CCL7: variants seen among roughly 807,000 people sequenced by gnomAD.
CCL7 encodes the protein C-C motif chemokine 7.
Under a neutral mutation model 7.1 loss-of-function variants are expected in CCL7, and 8 were observed. The observed-to-expected ratio is 1.13, with a 90% CI of 0.66 to 2.04. The LOEUF is 2.04. CCL7 is among the 30% of genes most tolerant of loss of function. The pLI is 0.00. For missense variants in CCL7, 134 were observed against 113.6 expected (o/e 1.18, Z -0.82); for synonymous variants, 46 against 41.2 (o/e 1.12, Z -0.45).
At chr17:34,270,602 G>A (rs1908094521) in intron 1 of CCL7, among the ~76,000 whole-genome samples, 1 of 152,200 alleles carries the variant, frequency 6.6e-6, no homozygotes, top group Non-Finnish European at 1.5e-5. Flanking sequence ...TCCAGCTCTG[G>A]GAACACCCTC....
At chr17:34,271,598 C>G (rs1908164980) in intron 2 of CCL7, 99 bp from the exon 3 acceptor site, 5 of 761,596 alleles carry the variant, frequency 6.6e-6, no homozygotes, top group Admixed American at 5.2e-5. Flanking sequence ...TCCCCATCAG[C>G]TAGGCTGATG....
rs548771041 is a variant in CCL7, at chr17:34,271,583, A to G, written c.195-114A>G. ...GTTTTATCTTCTTCCTTCATCCCTG[A>G]GGCATCCCCATCAGCTAGGCTGATG... On this transcript the variant is annotated intron_variant, in intron 2 of 2. Coordinates refer to ENST00000378569, the MANE Select transcript of CCL7 (RefSeq NM_006273.4). 3 of 684,494 alleles carry G rather than the reference A, an allele frequency of 4.4e-6. No homozygotes were observed. In the African/African-American group the frequency reaches 5.4e-5, roughly 12 times the overall value. The allele number at this position is 684,494 out of a possible 1,614,324, so 42.4% of individuals were successfully genotyped here.
intron 2 of CCL7, 36 bp from the exon 3 acceptor site, chr17:34,271,660 AG>A (rs1309698509): frequency 1.1e-5 from 15 of 1,369,174 alleles, no homozygotes; most frequent in African/African-American, 2.9e-5. Flanking sequence ...TGAACCCTCA[AG>A]GTGTTCCATC....
At position 34,271,711 on chromosome 17, in the gene CCL7, T is replaced by A; in HGVS notation, c.209T>A (p.Leu70Gln). Residue 70 changes from leucine (L) to glutamine (Q), a missense_variant, in exon 3 of 3, where the codon CTG becomes CAG. Leu to Gln is a moderately radical substitution (Grantham distance 113). Transcript: ENST00000378569. Reference sequence around the variant, plus strand: ...CTGCTCCACAGCTTCAAGACCAAACTGGACAAGGAGATCTGTGCTGACCCC... The same window carrying A: ...CTGCTCCACAGCTTCAAGACCAAACAGGACAAGGAGATCTGTGCTGACCCC... ...PREAVIFKTK[L>Q]DKEICADPTQ... The A allele has an allele frequency of 6.2e-7, 1 of 1,609,368 alleles. No homozygotes were observed.
rs889145050 is a variant in CCL7, at chr17:34,270,325, T to C, written c.35T>C (p.Leu12Pro). 4 of 1,614,084 alleles carry C rather than the reference T, an allele frequency of 2.5e-6. No individual in the cohort carries two copies. The highest frequency in any genetic ancestry group is 3.4e-6 in the Non-Finnish European group (4 of 1,180,024). ...KASAALLCLL[L>P]TAAAFSPQGL... ...TCTGCAGCACTTCTGTGTCTGCTGC[T>C]CACAGCAGCTGCTTTCAGCCCCCAG... is the stretch of plus-strand genomic sequence containing the variant. The change falls in exon 1 of 3, where the codon CTC becomes CCC. Residue 12 changes from leucine to proline, a missense_variant. Transcript: ENST00000378569.
chr17:34,271,348 T>C (rs1456369050), intron 2 of CCL7, 85 bp downstream of exon 2: 2 of 1,101,920 alleles, frequency 1.8e-6, no homozygotes, highest in South Asian at 1.5e-5. Context: ...TCAGAATGAG[T>C]TGGAGTCAAA....
rs1598088250 is a variant in CCL7 at position 34,271,748 on chromosome 17, G to T, written c.246G>T (p.Trp82Cys). Residue 82 changes from tryptophan to cysteine, a missense_variant, in exon 3 of 3, where the codon TGG becomes TGT. By Grantham distance (215) the Trp-to-Cys change is radical (BLOSUM62 -2). Transcript: ENST00000378569. The stretch of plus-strand genomic sequence containing the variant: ...TCTGTGCTGACCCCACACAGAAGTG[G>T]GTCCAGGACTTTATGAAGCACCTGG... Reference protein sequence around the residue: ...KEICADPTQKWVQDFMKHLDK... With the variant: ...KEICADPTQKCVQDFMKHLDK... 4 of 1,613,206 alleles carry T rather than the reference G, an allele frequency of 2.5e-6. No homozygotes were observed. The East Asian group carries it at 8.9e-5, about 36-fold the overall frequency.
chr17:34,270,480 A>T (rs566222038), intron 1 of CCL7, 114 bp downstream of exon 1: 35 of 824,050 alleles, frequency 4.2e-5, no homozygotes, highest in Non-Finnish European at 6.2e-5. Flanking sequence ...CTTTTCCAAG[A>T]TAAGGTAACT....
At position 34,271,860 on chromosome 17, in the gene CCL7, C is replaced by A. The variant is rs989535930; in HGVS notation, c.*58C>A. ...CTTGAGAAACAAATAATTTGTATAC[C>A]CTGTCCTTTCTCAGAGTGGTTCTGA... is the stretch of plus-strand genomic sequence containing the variant. On this transcript the variant is annotated 3_prime_UTR_variant, in exon 3 of 3. Transcript: ENST00000378569. 9.8e-7 allele frequency: 1 copy of A among 1,023,228 alleles called. No individual in the cohort carries two copies. The allele number at this position is 1,023,228 out of a possible 1,614,324, so 63.4% of individuals were successfully genotyped here. A position where few individuals can be genotyped will look rare whatever the true frequency, so the allele number is the denominator to read the frequency against.
Position 34,270,337 on chromosome 17 carries a change from C to T in CCL7, c.47C>T (p.Ala16Val). Residue 16 changes from alanine (A) to valine (V), a missense_variant, in exon 1 of 3, where the codon GCT (alanine) becomes GTT (valine). Physicochemically the swap from Ala to Val is moderately conservative, Grantham distance 64. Transcript: ENST00000378569. Reference sequence around the variant, plus strand: ...CTGTGTCTGCTGCTCACAGCAGCTGCTTTCAGCCCCCAGGGGCTTGCTCAG... The same window carrying T: ...CTGTGTCTGCTGCTCACAGCAGCTGTTTTCAGCCCCCAGGGGCTTGCTCAG... ...ALLCLLLTAAAFSPQGLAQPV... is the reference protein window; with the variant it reads ...ALLCLLLTAAVFSPQGLAQPV... 1 of 1,614,208 alleles carries T rather than the reference C, an allele frequency of 6.2e-7. No individual in the cohort carries two copies. Among genetic ancestry groups the T allele is most frequent in the Non-Finnish European group, 8.5e-7 (1 of 1,180,028 alleles).
Position 34,271,912 on chromosome 17 carries a change from T to C in CCL7, c.*110T>C. ...ATTATTTTAATCTAATTCTAAGGAA[T>C]ATGAGCTTTATGTAATAATGTGAAT... On this transcript the variant is annotated 3_prime_UTR_variant, in exon 3 of 3. Transcript: ENST00000378569. 1.5e-6 allele frequency: 1 copy of C among 662,910 alleles called. No individual in the cohort carries two copies. The highest frequency in any genetic ancestry group is 2.9e-5 in the East Asian group (1 of 34,092). 41.1% of individuals were successfully genotyped at this position (662,910 alleles called of 1,614,324 possible). A position where few individuals can be genotyped will look rare whatever the true frequency, so the allele number is the denominator to read the frequency against.
At chr17:34,271,306 G>A (rs200838399) in intron 2 of CCL7, 43 bp downstream of exon 2, 105 of 1,529,598 alleles carry the variant, frequency 6.9e-5, no homozygotes, top group Non-Finnish European at 5.8e-5. Flanking sequence ...CTCAGTCCTA[G>A]GTTCTTCCCT....
chr17:34,271,846 A>G lies in CCL7; in HGVS notation c.*44A>G. On this transcript the variant is annotated 3_prime_UTR_variant, in exon 3 of 3. Transcript: ENST00000378569. The stretch of plus-strand genomic sequence containing the variant: ...AAAACAAGCCATGACTTGAGAAACA[A>G]ATAATTTGTATACCCTGTCCTTTCT... The G allele has an allele frequency of 8.3e-7, 1 of 1,209,782 alleles. No homozygotes were observed. Among genetic ancestry groups the G allele is most frequent in the Non-Finnish European group, 1.2e-6 (1 of 819,660 alleles). The allele number at this position is 1,209,782 out of a possible 1,614,324, so 74.9% of individuals were successfully genotyped here. A position where few individuals can be genotyped will look rare whatever the true frequency, so the allele number is the denominator to read the frequency against.
intron 1 of CCL7, among the ~76,000 whole-genome samples, chr17:34,270,829 G>A (rs1431370274): frequency 2.0e-5 from 3 of 152,132 alleles, no homozygotes; most frequent in African/African-American, 7.2e-5. Flanking sequence ...GCCTAAAAGG[G>A]GATCCATAGT....
chr17:34,271,282 C>T lies in CCL7; in HGVS notation c.194+19C>T. On this transcript the variant is annotated intron_variant, in intron 2 of 2. Coordinates refer to ENST00000378569, the MANE Select transcript of CCL7 (RefSeq NM_006273.4). ...CTGTAATGTATGTGGACGATGACCA[C>T]CCACCCCTCACACCTCAGTCCTAGG... 1 of 1,597,774 alleles carries T rather than the reference C, an allele frequency of 6.3e-7. No homozygotes were observed. The highest frequency in any genetic ancestry group is 8.6e-7 in the Non-Finnish European group (1 of 1,166,304).
intron 1 of CCL7, 41 bp from the exon 2 acceptor site, chr17:34,271,105 C>A: frequency 6.2e-7 from 1 of 1,613,740 alleles, no homozygotes; most frequent in Non-Finnish European, 8.5e-7. Context: ...AGACCCAGGA[C>A]ACACCCTCAA....
At chr17:34,270,527 T>C (rs1329142801) in intron 1 of CCL7, among the ~76,000 whole-genome samples, 161 bp downstream of exon 1, 1 of 152,248 alleles carries the variant, frequency 6.6e-6, no homozygotes, top group East Asian at 1.9e-4. Flanking sequence ...ACCACACAGC[T>C]GCTGTTGGGT....
Position 34,271,222 on chromosome 17 carries a change from C to A in CCL7, c.153C>A (p.Tyr51Ter). ...TCCCTAAGCAGAGGCTGGAGAGCTA[C>A]AGAAGGACCACCAGTAGCCACTGTC... ...KKIPKQRLES[Y>*]RRTTSSHCPR... Residue 51 changes from tyrosine to a stop codon, truncating the protein, a stop_gained, in exon 2 of 3, where the codon TAC (tyrosine) becomes TAA (stop). Coordinates refer to ENST00000378569, the MANE Select transcript of CCL7 (RefSeq NM_006273.4). LOFTEE classifies it low-confidence loss of function (END_TRUNC). 3 of 1,614,118 alleles carry A rather than the reference C, an allele frequency of 1.9e-6. No homozygotes were observed. The East Asian group carries it at 6.7e-5, about 36-fold the overall frequency.
intron 1 of CCL7, 179 bp from the exon 2 acceptor site, chr17:34,270,967 A>C (rs1191609247): frequency 1.4e-5 from 18 of 1,329,270 alleles, no homozygotes; most frequent in Non-Finnish European, 1.4e-5. Flanking sequence ...AGTCCATAAA[A>C]GTGAAAGGGA....
Sources: gnomAD v4.1 joint callset for allele counts (sites outside exome capture counted in the v4.1 genomes callset) on GRCh38, gnomAD v4.1.1 for gene constraint, MANE v1.5 for transcripts, NCBI Gene and HGNC (gene_info 2026-07-23, HGNC 2026-07-21) for gene names.